The following ZMYM3 variants were observed in gnomAD, a reference collection of about 807,000 sequenced individuals.
ZMYM3 encodes the protein zinc finger MYM-type protein 3.
ZMYM3 carries 6 observed loss-of-function variants against 94.2 expected under a neutral mutation model. The observed-to-expected ratio is 0.06, with a 90% CI of 0.03 to 0.13. The LOEUF (loss-of-function observed/expected upper bound fraction) is 0.13, where lower values mean the gene tolerates loss of function less well. Among genes scored for constraint, ZMYM3 ranks in the 10% least tolerant of loss-of-function variants. The pLI is 1.00. For synonymous variants in ZMYM3, 420 were observed against 426.5 expected (o/e 0.98, Z 0.19); for missense variants, 664 against 1,132.6 (o/e 0.59, Z 5.94).
chrX:71,246,218 C>T, intron 15 of ZMYM3, 120 bp from the exon 16 acceptor site: 1 of 1,069,122 alleles, frequency 9.4e-7, no homozygotes, highest in Non-Finnish European at 1.3e-6. Context: ...TGAAAGACAC[C>T]TCTATGATTC....
intron 19 of ZMYM3, 104 bp from the exon 20 acceptor site, chrX:71,244,574 A>G: frequency 1.0e-6 from 1 of 984,178 alleles, no homozygotes; most frequent in Non-Finnish European, 1.4e-6. Context: ...GGGCTGATGT[A>G]AGCACACAGC....
chrX:71,251,577 C>T lies in ZMYM3; in HGVS notation c.692G>A (p.Ser231Asn), dbSNP rs750834488. The change falls in exon 3 of 25, where the codon AGT becomes AAT. Residue 231 changes from serine (S) to asparagine (N), a missense_variant. Physicochemically the swap from Ser to Asn is conservative, Grantham distance 46. Transcript: ENST00000314425. ...LPGDGLTAKA[S>N]EKPPERKRSE... Reference sequence around the variant, plus strand: ...CCTCACCCGTTCAGGCGGCTTCTCACTCGCCTTCGCAGTCAGGCCATCTCC... The same window carrying T: ...CCTCACCCGTTCAGGCGGCTTCTCATTCGCCTTCGCAGTCAGGCCATCTCC... The T allele has an allele frequency of 8.4e-7, 1 of 1,193,420 alleles. No individual in the cohort carries two copies. Among genetic ancestry groups the T allele is most frequent in the South Asian group, 1.9e-5 (1 of 53,883 alleles).
At chrX:71,252,062 T>C (rs916099009) in intron 2 of ZMYM3, among the ~76,000 whole-genome samples, 8 of 110,560 alleles carry the variant, frequency 7.2e-5, no homozygotes, top group Non-Finnish European at 1.5e-4. Context: ...GGGGAGACAC[T>C]AGAGCCTCTC....
At chrX:71,249,749 C>T (rs2030362410) in intron 6 of ZMYM3, 70 bp from the exon 7 acceptor site, 1 of 1,156,177 alleles carries the variant, frequency 8.6e-7, no homozygotes, top group South Asian at 2.0e-5. Context: ...CAAGGTCAGC[C>T]CCCCACCTCA....
At position 71,246,049 on chromosome X, in the gene ZMYM3, G is replaced by A. The variant is rs2030156488; in HGVS notation, c.2622C>T (p.Phe874=). 1 of 1,211,579 alleles carries A rather than the reference G, an allele frequency of 8.3e-7. No homozygotes were observed. The highest frequency in any genetic ancestry group is 1.1e-6 in the Non-Finnish European group (1 of 895,417). The change falls in exon 16 of 25, where the codon TTC becomes TTT. Residue 874 remains phenylalanine, a synonymous_variant. Transcript: ENST00000314425. ...AGTACAGATGCATAGGCACTGGCAC[G>A]AAGATGGGCACTGGGATGGGCAGCA... ...VIVLPIPVPI[F]VPVPMHLYCQ...
Position 71,246,423 on chromosome X carries a change from C to G in ZMYM3, c.2502G>C (p.Met834Ile), listed in dbSNP as rs2030174093. Reference protein sequence around the residue: ...PATPRKNKAAMCKPLMQNRGV... With the variant: ...PATPRKNKAAICKPLMQNRGV... ...CCCGATTCTGCATCAGTGGCTTACA[C>G]ATGGCAGCCTTGTTTTTGCGGGGTG... Residue 834 changes from methionine (M) to isoleucine (I), a missense_variant, in exon 15 of 25, where the codon ATG becomes ATC. Transcript: ENST00000314425. The G allele has an allele frequency of 9.2e-7, 1 of 1,081,233 alleles. No homozygotes were observed. Among genetic ancestry groups the G allele is most frequent in the Non-Finnish European group, 1.2e-6 (1 of 821,140 alleles). The allele number at this position is 1,081,233 out of a possible 1,213,427, so 89.1% of individuals were successfully genotyped here.
chrX:71,240,792 G>A lies in ZMYM3; in HGVS notation c.*124C>T. 1.4e-6 allele frequency: 1 copy of A among 701,477 alleles called. No individual in the cohort carries two copies. Among genetic ancestry groups the A allele is most frequent in the Non-Finnish European group, 2.1e-6 (1 of 473,233 alleles). The allele number at this position is 701,477 out of a possible 1,213,427, so 57.8% of individuals were successfully genotyped here. The stretch of plus-strand genomic sequence containing the variant: ...TTCCTAGAGAAGGCAGGGAATGGGT[G>A]AGCGGAAAGGAGCAGTCAGGGCCCT... On this transcript the variant is annotated 3_prime_UTR_variant, in exon 25 of 25. Coordinates refer to ENST00000314425, the MANE Select transcript of ZMYM3 (RefSeq NM_201599.3).
intron 2 of ZMYM3, 113 bp from the exon 3 acceptor site, chrX:71,251,714 AAACTC>A: frequency 2.8e-6 from 3 of 1,073,563 alleles, no homozygotes; most frequent in Non-Finnish European, 3.6e-6. Context: ...CTGAAAGGGA[AAACTC>A]GAGTGCCTGT....
intron 12 of ZMYM3, 65 bp from the exon 13 acceptor site, chrX:71,247,575 C>T (rs984285204): frequency 1.7e-6 from 2 of 1,160,944 alleles, no homozygotes; most frequent in African/African-American, 1.8e-5. Context: ...TTCTTTCCCC[C>T]GGGATAAGCC....
chrX:71,242,050 GGAGAGGGAAGCTAGGCGCC>G, intron 23 of ZMYM3, 101 bp downstream of exon 23: 2 of 997,909 alleles, frequency 2.0e-6, no homozygotes, highest in Admixed American at 5.9e-5. Flanking sequence ...CACAGGAACA[GGAGAGGGAAGCTAGGCGCC>G]AAGGAGAGGG....
In ZMYM3 at chrX:71,240,736, CA is replaced by C; in HGVS notation, c.*179del. Reference sequence around the variant, plus strand: ...CAGAAGACCAGGGCCCCATGGTTGTCAAGTGGTACGGAAGAAGATAAAAGCC... The same window carrying C: ...CAGAAGACCAGGGCCCCATGGTTGTCAGTGGTACGGAAGAAGATAAAAGCC... On this transcript the variant is annotated 3_prime_UTR_variant, in exon 25 of 25. Transcript: ENST00000314425. 2.2e-6 allele frequency: 1 copy of C among 457,801 alleles called. No homozygotes were observed. The highest frequency in any genetic ancestry group is 3.6e-6 in the Non-Finnish European group (1 of 278,108). 37.7% of individuals were successfully genotyped at this position (457,801 alleles called of 1,213,427 possible). A position where few individuals can be genotyped will look rare whatever the true frequency, so the allele number is the denominator to read the frequency against.
In ZMYM3 at chrX:71,240,224, C is replaced by T. The variant is rs1034519820; in HGVS notation, c.*692G>A. On this transcript the variant is annotated 3_prime_UTR_variant, in exon 25 of 25. Coordinates refer to ENST00000314425, the MANE Select transcript of ZMYM3 (RefSeq NM_201599.3). ...GTCTGCACAACAGGAGTCTGCTCCC[C>T]GTACTTAGTCATTCTCTGCCTCTGA... The T allele has an allele frequency of 1.8e-5, 2 of 111,433 alleles. No individual in the cohort carries two copies. The highest frequency in any genetic ancestry group is 3.3e-5 in the African/African-American group (1 of 30,557). The allele number at this position is 111,433 out of a possible 1,213,427, so 9.2% of individuals were successfully genotyped here. A position where few individuals can be genotyped will look rare whatever the true frequency, so the allele number is the denominator to read the frequency against.
chrX:71,246,375 C>T lies in ZMYM3; in HGVS notation c.2550G>A (p.Met850Ile). 1 of 1,206,247 alleles carries T rather than the reference C, an allele frequency of 8.3e-7. No individual in the cohort carries two copies. The highest frequency in any genetic ancestry group is 1.1e-6 in the Non-Finnish European group (1 of 893,268). Reference protein sequence around the residue: ...QNRGVSCKVEMKSKGSQTEEW... With the variant: ...QNRGVSCKVEIKSKGSQTEEW... ...CACCTGTTTGACTTCCTTTGGACTT[C>T]ATCTCCACCTTGCAGGAGACGCCCC... is the stretch of plus-strand genomic sequence containing the variant. Residue 850 changes from methionine (M) to isoleucine (I), a missense_variant, in exon 15 of 25, where the codon ATG becomes ATA. By Grantham distance (10) the Met-to-Ile change is conservative. Transcript: ENST00000314425.
chrX:71,251,623 G>A (rs1358340424), intron 2 of ZMYM3, 22 bp from the exon 3 acceptor site: 1 of 1,174,862 alleles, frequency 8.5e-7, no homozygotes, highest in Admixed American at 2.4e-5. Context: ...GCAGAAGGCA[G>A]CCTAAATGTT....
chrX:71,245,953 G>T (rs765464187), intron 16 of ZMYM3, 33 bp downstream of exon 16: 1 of 1,199,777 alleles, frequency 8.3e-7, no homozygotes, highest in Non-Finnish European at 1.1e-6. Flanking sequence ...AAGGGGAAAG[G>T]AGGACCCAGC....
chrX:71,246,298 T>C, intron 15 of ZMYM3, 55 bp downstream of exon 15: 1 of 1,202,384 alleles, frequency 8.3e-7, no homozygotes, highest in Non-Finnish European at 1.1e-6. Flanking sequence ...GACATAGGGC[T>C]GGCAGGCCTA....
rs1026445806 is a variant in ZMYM3, at chrX:71,253,445, C to T, written c.-19-171G>A. ...CTTTAGTCCTAATGACCACTCCCCC[C>T]AATACAGCGCCCCCAGTGGGGAGAG... On this transcript the variant is annotated intron_variant, in intron 1 of 24. Transcript: ENST00000314425. Among the ~76,000 whole-genome samples, 17 of 104,375 alleles carry T rather than the reference C, an allele frequency of 1.6e-4. No individual in the cohort carries two copies. The East Asian group carries it at 5.3e-3, about 32-fold the overall frequency. The allele number at this position is 104,375 out of a possible 115,157, so 90.6% of individuals were successfully genotyped here.
Position 71,240,024 on chromosome X carries a change from G to A in ZMYM3, c.*892C>T, listed in dbSNP as rs1020258597. 1.8e-5 allele frequency: 2 copies of A among 112,450 alleles called. No individual in the cohort carries two copies. Among genetic ancestry groups the A allele is most frequent in the African/African-American group, 3.2e-5 (1 of 30,843 alleles). The allele number at this position is 112,450 out of a possible 1,213,427, so 9.3% of individuals were successfully genotyped here. A position where few individuals can be genotyped will look rare whatever the true frequency, so the allele number is the denominator to read the frequency against. Reference sequence around the variant, plus strand: ...GGCTTGGCCTAGCTCTTATGATAGGGGAACAATAGAGGGGAACCCAGCCTC... The same window carrying A: ...GGCTTGGCCTAGCTCTTATGATAGGAGAACAATAGAGGGGAACCCAGCCTC... On this transcript the variant is annotated 3_prime_UTR_variant, in exon 25 of 25. Coordinates refer to ENST00000314425, the MANE Select transcript of ZMYM3 (RefSeq NM_201599.3).
intron 23 of ZMYM3, 115 bp downstream of exon 23, chrX:71,242,055 G>A: frequency 2.0e-6 from 2 of 994,674 alleles, no homozygotes; most frequent in Non-Finnish European, 2.7e-6. Context: ...GAACAGGAGA[G>A]GGAAGCTAGG....
Sources: allele counts gnomAD v4.1 joint callset (sites outside exome capture counted in the v4.1 genomes callset), GRCh38; gene constraint gnomAD v4.1.1; transcripts MANE v1.5; gene names NCBI Gene and HGNC (gene_info 2026-07-23, HGNC 2026-07-21).